Variants in PRKCH observed in about 807,000 individuals in gnomAD.
PRKCH encodes the protein protein kinase C eta type.
Under a neutral mutation model 82.5 loss-of-function variants are expected in PRKCH, and 28 were observed. The observed-to-expected ratio is 0.34, with a 90% CI of 0.25 to 0.47. PRKCH has a LOEUF of 0.47. PRKCH is among the 20% of genes least tolerant of loss of function. The probability of loss-of-function intolerance (pLI) is 1.00; values close to 1 mark genes in which losing one functional copy is unlikely to be tolerated. For missense variants in PRKCH, 705 were observed against 881.8 expected (o/e 0.80, Z 2.54); for synonymous variants, 322 against 327.4 (o/e 0.98, Z 0.18).
rs1009898016 is a variant in PRKCH at position 61,427,364 on chromosome 14, T to C, written c.428-15747T>C. 9.2e-5 allele frequency among the ~76,000 whole-genome samples: 14 copies of C among 152,070 alleles called. No homozygotes were observed. The South Asian group carries it at 1.5e-3, about 16-fold the overall frequency. The stretch of plus-strand genomic sequence containing the variant: ...CATAGGTGTCAGCCCTTAGAGACAA[T>C]AGATGGCAAATGTTTCCTATATAGA... On this transcript the variant is annotated intron_variant, in intron 2 of 13. Coordinates refer to ENST00000332981, the MANE Select transcript of PRKCH (RefSeq NM_006255.5).
intron 1 of PRKCH, among the ~76,000 whole-genome samples, chr14:61,339,912 G>T (rs894466889): frequency 6.6e-6 from 1 of 151,538 alleles, no homozygotes; most frequent in Non-Finnish European, 1.5e-5. Flanking sequence ...CTCCAAGTGC[G>T]GGGCTCAAGC....
At chr14:61,288,695 C>T (rs1210289230) in intron 1 of PRKCH, among the ~76,000 whole-genome samples, 1 of 152,102 alleles carries the variant, frequency 6.6e-6, no homozygotes, top group Non-Finnish European at 1.5e-5. Context: ...TTAATGAAAC[C>T]AAGACTGTAG....
chr14:61,374,251 A>G (rs994024699), intron 1 of PRKCH, among the ~76,000 whole-genome samples: 1 of 152,170 alleles, frequency 6.6e-6, no homozygotes, highest in Non-Finnish European at 1.5e-5. Flanking sequence ...CTCTGTGCCT[A>G]TGCAGGGTAC....
intron 1 of PRKCH, among the ~76,000 whole-genome samples, chr14:61,374,103 C>T (rs1019223573): frequency 1.3e-5 from 2 of 152,090 alleles, no homozygotes; most frequent in African/African-American, 2.4e-5. Flanking sequence ...AATGGGGCTA[C>T]AGGCCCCATG....
At chr14:61,447,111 T>A (rs1380730302) in intron 4 of PRKCH, among the ~76,000 whole-genome samples, 1 of 152,202 alleles carries the variant, frequency 6.6e-6, no homozygotes, top group Non-Finnish European at 1.5e-5. Context: ...GGCATAGGTA[T>A]TTCAGACAGA....
rs556642583 is a variant in PRKCH, at chr14:61,339,425, G to C, written c.363+16961G>C. 1.6e-3 allele frequency among the ~76,000 whole-genome samples: 231 copies of C among 148,308 alleles called. 1 individual carries two copies. The highest frequency in any genetic ancestry group is 0.012 in the South Asian group (55 of 4,566). Reference sequence around the variant, plus strand: ...TGCAAGCTTTGCCTCCCGGGTTCACGCCATTCTCCTGCCTCAGCCTCCCGA... The same window carrying C: ...TGCAAGCTTTGCCTCCCGGGTTCACCCCATTCTCCTGCCTCAGCCTCCCGA... On this transcript the variant is annotated intron_variant, in intron 1 of 13. Coordinates refer to ENST00000332981, the MANE Select transcript of PRKCH (RefSeq NM_006255.5).
chr14:61,537,586 G>T (rs949353701), intron 12 of PRKCH: 1 of 152,206 alleles, frequency 6.6e-6, no homozygotes, highest in Non-Finnish European at 1.5e-5. Context: ...CTGAAGCCTT[G>T]TCTCAGAGGT....
intron 1 of PRKCH, among the ~76,000 whole-genome samples, chr14:61,236,726 A>AAAAAAAAG (rs1566790085): frequency 1.4e-5 from 2 of 147,046 alleles, no homozygotes; most frequent in Non-Finnish European, 1.5e-5. Context: ...AAAAAAAAAA[A>AAAAAAAAG]AAAAAGAAAA....
intron 1 of PRKCH, chr14:61,390,914 C>T (rs1217831662): frequency 8.0e-6 from 2 of 250,226 alleles, no homozygotes; most frequent in Admixed American, 5.8e-5. Context: ...AAGCCATATG[C>T]ATAAGATATG....
intron 10 of PRKCH, among the ~76,000 whole-genome samples, chr14:61,487,229 C>T (rs1886264389): frequency 6.6e-6 from 1 of 152,128 alleles, no homozygotes; most frequent in African/African-American, 2.4e-5. Context: ...ATCACAGCCT[C>T]ACGGCACTGT....
intron 1 of PRKCH, among the ~76,000 whole-genome samples, chr14:61,286,047 A>G (rs2140095894): frequency 6.6e-6 from 1 of 152,364 alleles, no homozygotes; most frequent in South Asian, 2.1e-4. Context: ...CTAGAATAAA[A>G]ATAACTTCAC....
At chr14:61,536,182 T>A (rs2043106307) in intron 12 of PRKCH, among the ~76,000 whole-genome samples, 2 of 151,474 alleles carry the variant, frequency 1.3e-5, no homozygotes, top group Non-Finnish European at 3.0e-5. Flanking sequence ...GTCACCCTCA[T>A]GATTTTTTGC....
At chr14:61,533,882 G>C (rs2043074325) in intron 12 of PRKCH, among the ~76,000 whole-genome samples, 1 of 152,160 alleles carries the variant, frequency 6.6e-6, no homozygotes, top group African/African-American at 2.4e-5. Flanking sequence ...TTAGGAGGAG[G>C]GTTCGAGATA....
intron 1 of PRKCH, among the ~76,000 whole-genome samples, chr14:61,272,605 C>T (rs1361520938): frequency 6.6e-6 from 1 of 152,024 alleles, no homozygotes; most frequent in Non-Finnish European, 1.5e-5. Context: ...ATCCACCTGC[C>T]TCGGCCTCCC....
intron 10 of PRKCH, among the ~76,000 whole-genome samples, chr14:61,495,711 C>G (rs981589441): frequency 1.3e-5 from 2 of 152,110 alleles, no homozygotes; most frequent in African/African-American, 2.4e-5. Flanking sequence ...GTGTACCAGA[C>G]GCTACTGTGA....
intron 1 of PRKCH, among the ~76,000 whole-genome samples, chr14:61,309,777 A>G (rs2140109184): frequency 6.6e-6 from 1 of 152,296 alleles, no homozygotes; most frequent in Non-Finnish European, 1.5e-5. Context: ...AATTATGTTG[A>G]CTACTTTATT....
chr14:61,473,466 G>C (rs1885594337), intron 9 of PRKCH, among the ~76,000 whole-genome samples: 1 of 152,178 alleles, frequency 6.6e-6, no homozygotes, highest in African/African-American at 2.4e-5. Context: ...CCTGCCCCAA[G>C]GCAGCAATCA....
chr14:61,332,456 G>T, intron 1 of PRKCH, among the ~76,000 whole-genome samples: 1 of 152,234 alleles, frequency 6.6e-6, no homozygotes, highest in East Asian at 1.9e-4. Context: ...CTTACCAGCA[G>T]TGCTTTTATT....
intron 1 of PRKCH, among the ~76,000 whole-genome samples, chr14:61,387,264 T>C (rs888461155): frequency 2.6e-5 from 4 of 152,260 alleles, no homozygotes; most frequent in African/African-American, 9.6e-5. Flanking sequence ...GGAATGTGCC[T>C]GCCCCAGGCC....
Sources: allele counts gnomAD v4.1 joint callset (sites outside exome capture counted in the v4.1 genomes callset), GRCh38; gene constraint gnomAD v4.1.1; transcripts MANE v1.5; gene names NCBI Gene and HGNC (gene_info 2026-07-23, HGNC 2026-07-21).